Variants in KCNJ6 observed in about 807,000 individuals in gnomAD.
KCNJ6 encodes the protein potassium inwardly rectifying channel subfamily J member 6.
In KCNJ6, 9 loss-of-function variants were observed where a neutral mutation model predicts 34.2. The ratio of observed to expected loss-of-function variants is 0.26; its 90% confidence interval spans 0.16 to 0.46. The LOEUF is 0.46. KCNJ6 is among the 20% of genes least tolerant of loss of function. The pLI is 1.00. For synonymous variants in KCNJ6, 196 were observed against 207.1 expected (o/e 0.95, Z 0.46); for missense variants, 236 against 531.3 (o/e 0.44, Z 5.46).
At chr21:37,761,738 T>C (rs910481745) in intron 2 of KCNJ6, among the ~76,000 whole-genome samples, 9 of 151,514 alleles carry the variant, frequency 5.9e-5, no homozygotes, top group Admixed American at 6.6e-5. Flanking sequence ...GTGTGTGTCG[T>C]GTGTGTGGTA....
At position 37,615,241 on chromosome 21, in the gene KCNJ6, ATTCTTTTTTTTTT is replaced by A. The variant is rs755632079; in HGVS notation, c.*9905_*9917del. ...CAGACCCTCGACTGACATTCCCAGCATTCTTTTTTTTTTTTTTTTTTTTTTTTTTGAGACGGAG... is the reference window on the plus strand; with the variant it reads ...CAGACCCTCGACTGACATTCCCAGCATTTTTTTTTTTTTTTTGAGACGGAG... On this transcript the variant is annotated 3_prime_UTR_variant, in exon 4 of 4. Transcript: ENST00000609713. 8.9e-6 allele frequency: 1 copy of A among 111,856 alleles called. No homozygotes were observed. The highest frequency in any genetic ancestry group is 3.8e-5 in the African/African-American group (1 of 26,214). 6.9% of individuals were successfully genotyped at this position (111,856 alleles called of 1,614,324 possible). A position where few individuals can be genotyped will look rare whatever the true frequency, so the allele number is the denominator to read the frequency against.
rs181290579 is a variant in KCNJ6 at position 37,630,195 on chromosome 21, G to A, written c.947-4711C>T. 4.4e-3 allele frequency among the ~76,000 whole-genome samples: 607 copies of A among 137,668 alleles called. 1 individual carries two copies. The highest frequency in any genetic ancestry group is 8.0e-3 in the Middle Eastern group (2 of 250). The allele number at this position is 137,668 out of a possible 152,430, so 90.3% of individuals were successfully genotyped here. On this transcript the variant is annotated intron_variant, in intron 3 of 3. Transcript: ENST00000609713. Reference sequence around the variant, plus strand: ...CCATATCAGGGACATCATCATAAAGGCTCCCAGAACTAGGTTATTTTGTGA... The same window carrying A: ...CCATATCAGGGACATCATCATAAAGACTCCCAGAACTAGGTTATTTTGTGA...
At chr21:37,679,709 T>G (rs2054582371) in intron 3 of KCNJ6, among the ~76,000 whole-genome samples, 1 of 152,160 alleles carries the variant, frequency 6.6e-6, no homozygotes, top group Non-Finnish European at 1.5e-5. Flanking sequence ...CCAGTGGAAG[T>G]TTGACTGACC....
chr21:37,650,935 A>G (rs923395757), intron 3 of KCNJ6, among the ~76,000 whole-genome samples: 19 of 152,214 alleles, frequency 1.2e-4, no homozygotes, highest in African/African-American at 4.6e-4. Context: ...GTTCAATTCT[A>G]TTGCCACTCC....
intron 1 of KCNJ6, among the ~76,000 whole-genome samples, chr21:37,872,597 C>T (rs1036634298): frequency 6.6e-5 from 10 of 152,202 alleles, no homozygotes; most frequent in African/African-American, 2.4e-4. Context: ...TTTGCTCCCT[C>T]AATCAATTTT....
At chr21:37,794,656 T>G (rs2055232432) in intron 2 of KCNJ6, among the ~76,000 whole-genome samples, 1 of 152,056 alleles carries the variant, frequency 6.6e-6, no homozygotes, top group Admixed American at 6.6e-5. Flanking sequence ...ATATTCTCAT[T>G]CATAAGTGGG....
intron 1 of KCNJ6, among the ~76,000 whole-genome samples, chr21:37,872,851 T>C (rs988013776): frequency 7.2e-5 from 11 of 152,186 alleles, no homozygotes; most frequent in Admixed American, 3.3e-4. Context: ...GTTCTCATGA[T>C]AGTGTGTTCT....
intron 3 of KCNJ6, among the ~76,000 whole-genome samples, chr21:37,711,125 G>A (rs1196685646): frequency 1.3e-5 from 2 of 152,196 alleles, no homozygotes; most frequent in African/African-American, 2.4e-5. Flanking sequence ...CCTTCAAGGA[G>A]CCCACTTTCG....
At chr21:37,686,866 G>C (rs913772252) in intron 3 of KCNJ6, among the ~76,000 whole-genome samples, 2 of 152,092 alleles carry the variant, frequency 1.3e-5, no homozygotes, top group African/African-American at 4.8e-5. Context: ...CAGGATGTAG[G>C]CTTGACAGGA....
intron 1 of KCNJ6, among the ~76,000 whole-genome samples, chr21:37,908,196 T>G (rs1277710283): frequency 6.6e-6 from 1 of 152,256 alleles, no homozygotes; most frequent in African/African-American, 2.4e-5. Flanking sequence ...CTCTGTTTCT[T>G]CTGGTTCTTC....
intron 2 of KCNJ6, among the ~76,000 whole-genome samples, chr21:37,732,354 A>T (rs1431950848): frequency 6.6e-6 from 1 of 152,198 alleles, no homozygotes; most frequent in Non-Finnish European, 1.5e-5. Flanking sequence ...TGGAGTGTCC[A>T]TAAATTAGAT....
intron 3 of KCNJ6, among the ~76,000 whole-genome samples, chr21:37,646,094 CAGAG>C (rs1214828514): frequency 1.3e-5 from 2 of 152,136 alleles, no homozygotes; most frequent in African/African-American, 4.8e-5. Context: ...ATTTAGAAGT[CAGAG>C]AGTCTCCTTC....
At chr21:37,915,252 T>G (rs1042034993) in intron 1 of KCNJ6, among the ~76,000 whole-genome samples, 2 of 152,180 alleles carry the variant, frequency 1.3e-5, no homozygotes, top group Non-Finnish European at 2.9e-5. Context: ...ATCTAAAGTG[T>G]TTTTTCTTCC....
intron 1 of KCNJ6, among the ~76,000 whole-genome samples, chr21:37,909,118 T>A (rs918017508): frequency 6.6e-6 from 1 of 152,192 alleles, no homozygotes; most frequent in African/African-American, 2.4e-5. Flanking sequence ...TTAGAAGCCA[T>A]GTACTAAAGA....
intron 2 of KCNJ6, among the ~76,000 whole-genome samples, chr21:37,822,401 C>A (rs2055377437): frequency 6.6e-6 from 1 of 151,930 alleles, no homozygotes; most frequent in African/African-American, 2.4e-5. Context: ...TTTTTTCCCC[C>A]AACACCAGAC....
At chr21:37,891,686 A>G (rs1158171278) in intron 1 of KCNJ6, among the ~76,000 whole-genome samples, 1 of 151,782 alleles carries the variant, frequency 6.6e-6, no homozygotes, top group Non-Finnish European at 1.5e-5. Flanking sequence ...TGTTTGAACT[A>G]CCAGATACCA....
intron 1 of KCNJ6, among the ~76,000 whole-genome samples, chr21:37,914,720 G>A (rs551972970): frequency 3.3e-5 from 5 of 152,266 alleles, no homozygotes; most frequent in African/African-American, 1.2e-4. Flanking sequence ...TTCTCCCTAA[G>A]CAGTTCCTGG....
At position 37,873,126 on chromosome 21, in the gene KCNJ6, T is replaced by C. The variant is rs2055660651; in HGVS notation, c.-27-32417A>G. Reference sequence around the variant, plus strand: ...GCTGTTTCTCCTGCTGGGCTGAAGGTGAGACTCTGGAACACAGTGACGACT... The same window carrying C: ...GCTGTTTCTCCTGCTGGGCTGAAGGCGAGACTCTGGAACACAGTGACGACT... On this transcript the variant is annotated intron_variant, in intron 1 of 3. Coordinates refer to ENST00000609713, the MANE Select transcript of KCNJ6 (RefSeq NM_002240.5). Among the ~76,000 whole-genome samples the C allele has an allele frequency of 1.3e-5, 2 of 152,118 alleles. 1 individual carries two copies. Among genetic ancestry groups the C allele is most frequent in the Admixed American group, 1.3e-4 (2 of 15,282 alleles).
At chr21:37,860,709 A>AC (rs530404163) in intron 1 of KCNJ6, among the ~76,000 whole-genome samples, 2,415 of 150,758 alleles carry the variant, frequency 0.016, 61 homozygotes, top group African/African-American at 0.056. Flanking sequence ...CTCTCCCACT[A>AC]CCCCCCTGGA....
Sources: gnomAD v4.1 joint callset for allele counts (sites outside exome capture counted in the v4.1 genomes callset) on GRCh38, gnomAD v4.1.1 for gene constraint, MANE v1.5 for transcripts, NCBI Gene and HGNC (gene_info 2026-07-23, HGNC 2026-07-21) for gene names.